The following ACOT1 variants were observed in gnomAD, a reference collection of about 807,000 sequenced individuals.
ACOT1 encodes the protein acyl-coenzyme A thioesterase 1.
ACOT1 carries 8 observed loss-of-function variants against 15.7 expected under a neutral mutation model. The ratio of observed to expected loss-of-function variants is 0.51; its 90% CI spans 0.30 to 0.92. The LOEUF (loss-of-function observed/expected upper bound fraction) is 0.92, where lower values mean the gene tolerates loss of function less well. Among genes scored for constraint, ACOT1 ranks in the 40% least tolerant of loss-of-function variants. The probability of loss-of-function intolerance (pLI) is 0.06; values close to 1 mark genes in which losing one functional copy is unlikely to be tolerated. For synonymous variants in ACOT1, 67 were observed against 241.2 expected, an observed-to-expected ratio of 0.28 and a Z score of 6.69; for missense variants, 151 against 539.4, an observed-to-expected ratio of 0.28 and a Z score of 7.13.
the ACOT1 span, chr14:73,522,584 G>A: frequency 6.2e-7 from 1 of 1,614,176 alleles, no homozygotes; most frequent in Non-Finnish European, 8.5e-7. Context: ...CAGAAGCCAG[G>A]CTTCTCTTTC....
the ACOT1 span, among the ~76,000 whole-genome samples, chr14:73,504,147 G>A: frequency 4.7e-5 from 7 of 148,502 alleles, no homozygotes; most frequent in South Asian, 2.1e-4. Flanking sequence ...GCACGATCTC[G>A]GCTCACTGCA....
chr14:73,494,193 A>T, the ACOT1 span, among the ~76,000 whole-genome samples: 1 of 152,160 alleles, frequency 6.6e-6, no homozygotes, highest in African/African-American at 2.4e-5. Context: ...GAATATTCTC[A>T]TGGTTGGTGG....
At chr14:73,523,406 C>T in the ACOT1 span, among the ~76,000 whole-genome samples, 1 of 152,160 alleles carries the variant, frequency 6.6e-6, no homozygotes, top group African/African-American at 2.4e-5. Flanking sequence ...GTATCAGACC[C>T]GTGTTTTTGG....
the ACOT1 span, among the ~76,000 whole-genome samples, chr14:73,514,915 A>G: frequency 2.0e-5 from 3 of 152,088 alleles, no homozygotes; most frequent in Non-Finnish European, 2.9e-5. Context: ...TAAAATACAA[A>G]AAATTGGCCG....
chr14:73,494,230 C>T, the ACOT1 span, among the ~76,000 whole-genome samples: 1 of 152,194 alleles, frequency 6.6e-6, no homozygotes, highest in African/African-American at 2.4e-5. Flanking sequence ...CCAGAAAGAG[C>T]ACTGGACTTG....
the ACOT1 span, among the ~76,000 whole-genome samples, chr14:73,501,890 A>C: frequency 6.6e-6 from 1 of 151,906 alleles, no homozygotes; most frequent in African/African-American, 2.4e-5. Flanking sequence ...AATAGCTGGG[A>C]CTACAGGCGC....
the ACOT1 span, among the ~76,000 whole-genome samples, chr14:73,511,388 G>A: frequency 2.6e-5 from 4 of 151,806 alleles, no homozygotes; most frequent in East Asian, 1.9e-4. Context: ...GGTGGCACAC[G>A]CCTGTATGTA....
chr14:73,509,271 A>G, the ACOT1 span: 1 of 1,580,620 alleles, frequency 6.3e-7, no homozygotes, highest in Non-Finnish European at 8.7e-7. Flanking sequence ...TGAGATGTCT[A>G]TCCCATATTT....
At chr14:73,509,194 C>T in the ACOT1 span, 1 of 1,026,832 alleles carries the variant, frequency 9.7e-7, no homozygotes, top group African/African-American at 1.6e-5. Context: ...TAACATAAAT[C>T]TAAACCCAAT....
the ACOT1 span, among the ~76,000 whole-genome samples, chr14:73,507,244 T>C: frequency 3.3e-5 from 5 of 152,220 alleles, no homozygotes; most frequent in Admixed American, 6.5e-5. Flanking sequence ...AAGCAAATTC[T>C]ACATGTCAGA....
chr14:73,522,124 G>A, the ACOT1 span: 1 of 852,144 alleles, frequency 1.2e-6, no homozygotes, highest in Admixed American at 2.3e-5. Context: ...ACCTTACTTT[G>A]CAGAGCTCTC....
At chr14:73,534,852 A>G (rs1317383675), upstream of ACOT1, among the ~76,000 whole-genome samples, 2 of 104,298 alleles carry the variant, frequency 1.9e-5, 1 homozygote, top group African/African-American at 6.2e-5. Flanking sequence ...CTGTTGCCCA[A>G]GCTGGTATCG....
At chr14:73,522,774 G>A in the ACOT1 span, 4 of 1,614,104 alleles carry the variant, frequency 2.5e-6, no homozygotes, top group Non-Finnish European at 3.4e-6. Flanking sequence ...CCTGTTAAGG[G>A]ACTTGAGGAA....
chr14:73,492,114 C>T, the ACOT1 span: 4 of 1,613,936 alleles, frequency 2.5e-6, no homozygotes, highest in Non-Finnish European at 3.4e-6. The surrounding 1 kb of genome is among the most constrained non-coding windows in gnomAD (Gnocchi z 4.9). Flanking sequence ...CGAGTCCCAA[C>T]CGAGGAACTG....
intron 1 of ACOT1, among the ~76,000 whole-genome samples, chr14:73,538,160 A>T (rs1332502381): frequency 2.7e-5 from 3 of 110,738 alleles, no homozygotes; most frequent in African/African-American, 8.8e-5. Context: ...TTTTATTTTT[A>T]TTTTTTTTCG....
the ACOT1 span, chr14:73,491,330 C>A: frequency 2.7e-6 from 4 of 1,471,916 alleles, no homozygotes; most frequent in African/African-American, 4.4e-5. Context: ...GCCCGCAGAG[C>A]TGCTGGAGGC....
At chr14:73,521,615 G>T in the ACOT1 span, among the ~76,000 whole-genome samples, 2 of 152,286 alleles carry the variant, frequency 1.3e-5, no homozygotes, top group African/African-American at 2.4e-5. Context: ...GGAAATCAGG[G>T]ATAGTGTAAT....
At chr14:73,492,538 C>T in the ACOT1 span, 1 of 1,613,612 alleles carries the variant, frequency 6.2e-7, no homozygotes, top group Non-Finnish European at 8.5e-7. This position sits in a 1 kb window ranked among gnomAD's most constrained non-coding sequence, Gnocchi z 4.9. Flanking sequence ...ACTTCATTCA[C>T]GATTCTCTGC....
chr14:73,539,059 C>CT lies in ACOT1; in HGVS notation c.457+1191dup, dbSNP rs575442082. Reference sequence around the variant, plus strand: ...TATTTATGTATGGACCAGGAAGTCACTTTTTTTTTTAATAAAAAGAATTCC... The same window carrying CT: ...TATTTATGTATGGACCAGGAAGTCACTTTTTTTTTTTAATAAAAAGAATTCC... On this transcript the variant is annotated intron_variant, in intron 1 of 2. Coordinates refer to ENST00000311148, the MANE Select transcript of ACOT1 (RefSeq NM_001037161.2). 5.6e-3 allele frequency among the ~76,000 whole-genome samples: 614 copies of CT among 110,526 alleles called. 170 individuals carry two copies. Among genetic ancestry groups the CT allele is most frequent in the Non-Finnish European group, 8.2e-3 (417 of 50,562 alleles). The allele number at this position is 110,526 out of a possible 152,430, so 72.5% of individuals were successfully genotyped here. A position where few individuals can be genotyped will look rare whatever the true frequency, so the allele number is the denominator to read the frequency against.
Sources: gnomAD v4.1 joint callset for allele counts (sites outside exome capture counted in the v4.1 genomes callset) on GRCh38, gnomAD v4.1.1 for gene constraint, Gnocchi (gnomAD v3.1) non-coding constraint, MANE v1.5 for transcripts, NCBI Gene and HGNC (gene_info 2026-07-23, HGNC 2026-07-21) for gene names.